Variants in SPEF2 observed in about 807,000 individuals in gnomAD.
The protein encoded by SPEF2 is sperm flagella and cilia-associated protein 2.
Under a neutral mutation model 224.6 loss-of-function variants are expected in SPEF2, and 187 were observed. The observed-to-expected ratio is 0.83, with a 90% CI of 0.74 to 0.94. SPEF2 has a LOEUF of 0.94. SPEF2 is among the 40% of genes least tolerant of loss of function. SPEF2 has a pLI of 0.00. For synonymous variants in SPEF2, 715 were observed against 707.3 expected, an observed-to-expected ratio of 1.01 and a Z score of -0.17; for missense variants, 2,170 against 2,135.6, an observed-to-expected ratio of 1.02 and a Z score of -0.32.
intron 10 of SPEF2, among the ~76,000 whole-genome samples, chr5:35,676,493 C>T (rs908653969): frequency 9.9e-5 from 15 of 152,098 alleles, no homozygotes; most frequent in African/African-American, 1.4e-4. Flanking sequence ...CTTTGGGAGG[C>T]CAAGGCAGGC....
Position 35,740,054 on chromosome 5 carries a change from A to G in SPEF2, c.3191+8A>G, listed in dbSNP as rs1425093847. 1.2e-6 allele frequency: 2 copies of G among 1,613,990 alleles called. No homozygotes were observed. Among genetic ancestry groups the G allele is most frequent in the East Asian group, 4.5e-5 (2 of 44,878 alleles). On this transcript the variant is annotated splice_region_variant and intron_variant, in intron 22 of 36. Transcript: ENST00000356031. ...TTACTTATATGAGATTAGGTAAGTA[A>G]TGTTTCCAAAGTCAGAATTTTACAG... is the stretch of plus-strand genomic sequence containing the variant.
At chr5:35,716,904 A>G (rs1742684919) in intron 20 of SPEF2, among the ~76,000 whole-genome samples, 1 of 152,022 alleles carries the variant, frequency 6.6e-6, no homozygotes, top group Non-Finnish European at 1.5e-5. Flanking sequence ...TGATTCATTT[A>G]TATTCTTCTC....
intron 20 of SPEF2, among the ~76,000 whole-genome samples, chr5:35,717,287 G>T (rs1334943116): frequency 6.6e-6 from 1 of 152,054 alleles, no homozygotes; most frequent in African/African-American, 2.4e-5. Context: ...CTTCTCCCTT[G>T]GAGGAATATC....
chr5:35,784,076 C>G (rs1754730742), intron 30 of SPEF2, among the ~76,000 whole-genome samples: 1 of 152,050 alleles, frequency 6.6e-6, no homozygotes. Flanking sequence ...TGTAACATTG[C>G]TCTAAGAAGC....
Position 35,806,950 on chromosome 5 carries a change from G to A in SPEF2, c.5254G>A (p.Glu1752Lys), listed in dbSNP as rs372951375. The change falls in exon 35 of 37, where the codon GAG becomes AAG. Residue 1752 changes from glutamate to lysine, a missense_variant and splice_region_variant. Physicochemically the swap from Glu to Lys is moderately conservative, Grantham distance 56. Coordinates refer to ENST00000356031, the MANE Select transcript of SPEF2 (RefSeq NM_024867.4). The part of the protein sequence containing the change: ...SHLKIENIYA[E>K]GFIKTFQDLG... The stretch of plus-strand genomic sequence containing the variant: ...CCTAAAGATAGAGAACATTTATGCA[G>A]AGGTTGGTTAAATTATTTTGAAAAA... 6.3e-7 allele frequency: 1 copy of A among 1,593,476 alleles called. No homozygotes were observed. The highest frequency in any genetic ancestry group is 2.2e-5 in the East Asian group (1 of 44,686).
chr5:35,653,438 A>T (rs1748476005), intron 6 of SPEF2, among the ~76,000 whole-genome samples: 1 of 152,192 alleles, frequency 6.6e-6, no homozygotes, highest in Non-Finnish European at 1.5e-5. Context: ...TTCATAGATG[A>T]TGGAAGAGTG....
intron 30 of SPEF2, among the ~76,000 whole-genome samples, chr5:35,779,819 G>T (rs1354758588): frequency 6.6e-6 from 1 of 152,156 alleles, no homozygotes; most frequent in African/African-American, 2.4e-5. Flanking sequence ...GAAAATGTTT[G>T]CTTAATTAAT....
intron 26 of SPEF2, among the ~76,000 whole-genome samples, chr5:35,766,878 C>G (rs1285773755): frequency 6.6e-6 from 1 of 151,588 alleles, no homozygotes; most frequent in Non-Finnish European, 1.5e-5. Context: ...TTTTAATTTT[C>G]AAAATAATAT....
At chr5:35,712,337 C>T (rs1741327309) in intron 19 of SPEF2, among the ~76,000 whole-genome samples, 1 of 152,056 alleles carries the variant, frequency 6.6e-6, no homozygotes, top group African/African-American at 2.4e-5. Flanking sequence ...TCAAGCCATC[C>T]TCTAGCCTCA....
At chr5:35,752,317 G>A (rs2149724745) in intron 23 of SPEF2, among the ~76,000 whole-genome samples, 1 of 152,124 alleles carries the variant, frequency 6.6e-6, no homozygotes, top group South Asian at 2.1e-4. Flanking sequence ...TATTGAGACA[G>A]GGTCTCTGTC....
chr5:35,740,180 A>G lies in SPEF2; in HGVS notation c.3243A>G (p.Val1081=). The G allele has an allele frequency of 1.2e-6, 2 of 1,614,162 alleles. No homozygotes were observed. Among genetic ancestry groups the G allele is most frequent in the Non-Finnish European group, 1.7e-6 (2 of 1,180,018 alleles). Reference sequence around the variant, plus strand: ...GTCCGGATCACAAGCAAGATTTTGTAGCTCAATGGCAGGCTGATTTCAACT... The same window carrying G: ...GTCCGGATCACAAGCAAGATTTTGTGGCTCAATGGCAGGCTGATTTCAACT... ...LKRPDHKQDF[V]AQWQADFNSL... Residue 1081 remains valine, a synonymous_variant, in exon 23 of 37, where the codon GTA becomes GTG. Coordinates refer to ENST00000356031, the MANE Select transcript of SPEF2 (RefSeq NM_024867.4).
chr5:35,760,535 T>G (rs1311664111), intron 25 of SPEF2, among the ~76,000 whole-genome samples: 1 of 152,136 alleles, frequency 6.6e-6, no homozygotes, highest in African/African-American at 2.4e-5. Flanking sequence ...GATAATGACC[T>G]TATGAGAGTG....
intron 30 of SPEF2, among the ~76,000 whole-genome samples, chr5:35,780,681 T>G (rs1224182871): frequency 6.6e-6 from 1 of 152,210 alleles, no homozygotes; most frequent in Non-Finnish European, 1.5e-5. Context: ...TTCTCTTCAT[T>G]TTATCCAGGC....
chr5:35,777,664 CAAATAAATAAATAAATAAAT>C (rs35899152), intron 29 of SPEF2, among the ~76,000 whole-genome samples: 38 of 144,060 alleles, frequency 2.6e-4, no homozygotes, highest in East Asian at 1.4e-3. Flanking sequence ...AAATGTGATA[CAAATAAATAAATAAATAAAT>C]AAATAAATAA....
At chr5:35,715,648 G>A (rs1303538182) in intron 20 of SPEF2, among the ~76,000 whole-genome samples, 1 of 151,930 alleles carries the variant, frequency 6.6e-6, no homozygotes, top group African/African-American at 2.4e-5. Context: ...AAAAAAACTC[G>A]TGGCTCAGGT....
At chr5:35,691,550 G>A (rs1754488109) in intron 11 of SPEF2, among the ~76,000 whole-genome samples, 1 of 152,138 alleles carries the variant, frequency 6.6e-6, no homozygotes. Context: ...ATCCAAAATA[G>A]GCAAATCCAT....
At chr5:35,724,747 A>G (rs1005675264) in intron 20 of SPEF2, among the ~76,000 whole-genome samples, 6 of 152,184 alleles carry the variant, frequency 3.9e-5, no homozygotes, top group African/African-American at 1.2e-4. Flanking sequence ...AAGAATAAGT[A>G]CATGTGCAAA....
chr5:35,647,553 A>C (rs1747562380), intron 5 of SPEF2, among the ~76,000 whole-genome samples: 1 of 152,120 alleles, frequency 6.6e-6, no homozygotes, highest in South Asian at 2.1e-4. Flanking sequence ...CAGTCTATTC[A>C]TGCATGATCC....
At chr5:35,676,540 C>T in intron 10 of SPEF2, among the ~76,000 whole-genome samples, 1 of 152,034 alleles carries the variant, frequency 6.6e-6, no homozygotes, top group Middle Eastern at 3.2e-3. Context: ...ACCAGCCTGG[C>T]CAACATGGTG....
Sources: gnomAD v4.1 joint callset for allele counts (sites outside exome capture counted in the v4.1 genomes callset) on GRCh38, gnomAD v4.1.1 for gene constraint, MANE v1.5 for transcripts, NCBI Gene and HGNC (gene_info 2026-07-23, HGNC 2026-07-21) for gene names.